The following ZEB2 variants were observed in gnomAD, a reference collection of about 807,000 sequenced individuals.
ZEB2 encodes the protein zinc finger E-box binding homeobox 2.
In ZEB2, 6 loss-of-function variants were observed where a neutral mutation model predicts 99.9. The observed-to-expected ratio is 0.06, with a 90% CI of 0.03 to 0.12. ZEB2 has a LOEUF of 0.12. Ranked by LOEUF, ZEB2 falls within the 10% of genes least tolerant of loss-of-function variation. The pLI is 1.00. For synonymous variants in ZEB2, 517 were observed against 542.5 expected (o/e 0.95, Z 0.65); for missense variants, 969 against 1,502.8 (o/e 0.64, Z 5.87).
Position 144,512,722 on chromosome 2 carries a change from AC to A in ZEB2, c.73+4555del, listed in dbSNP as rs1210498099. 19 of 1,287,178 alleles carry A rather than the reference AC, an allele frequency of 1.5e-5. No individual in the cohort carries two copies. In the East Asian group the frequency reaches 3.9e-4, roughly 26 times the overall value. 79.7% of individuals were successfully genotyped at this position (1,287,178 alleles called of 1,614,324 possible). On this transcript the variant is annotated intron_variant, in intron 2 of 9. Coordinates refer to ENST00000627532, the MANE Select transcript of ZEB2 (RefSeq NM_014795.4). Reference sequence around the variant, plus strand: ...CTGCTACGAAGGAAAGCATGTTTCTACCCCAATTGGCTTAGTTTTTCCAGAC... The same window carrying A: ...CTGCTACGAAGGAAAGCATGTTTCTACCCAATTGGCTTAGTTTTTCCAGAC...
At position 144,486,330 on chromosome 2, in the gene ZEB2, C is replaced by T. The variant is rs140280009; in HGVS notation, c.73+30948G>A. On this transcript the variant is annotated intron_variant, in intron 2 of 9. Coordinates refer to ENST00000627532, the MANE Select transcript of ZEB2 (RefSeq NM_014795.4). ...CGACCTGAAAAAATAGGTAATTCAA[C>T]GAACATGGAGAAAGAAAATGTCAAA... Among the ~76,000 whole-genome samples, 233 of 149,736 alleles carry T rather than the reference C, an allele frequency of 1.6e-3. 2 individuals are homozygous for T. The highest frequency in any genetic ancestry group is 0.013 in the South Asian group (64 of 4,750).
At chr2:144,406,058 C>T (rs1203191451) in intron 4 of ZEB2, among the ~76,000 whole-genome samples, 1 of 152,152 alleles carries the variant, frequency 6.6e-6, no homozygotes, top group Admixed American at 6.5e-5. Context: ...AACCTTGGTG[C>T]CACGAGATTC....
At chr2:144,517,724 C>CT (rs1445863130) in intron 1 of ZEB2, 2 of 702,816 alleles carry the variant, frequency 2.8e-6, no homozygotes, top group Non-Finnish European at 5.2e-6. Flanking sequence ...AGTAAGACCG[C>CT]TTGACTCAGG....
chr2:144,434,498 C>T (rs918543476), intron 2 of ZEB2, among the ~76,000 whole-genome samples: 2 of 152,066 alleles, frequency 1.3e-5, no homozygotes, highest in African/African-American at 2.4e-5. Flanking sequence ...GTAGCAAAGC[C>T]GGTACCAGAA....
At chr2:144,512,242 AG>A in intron 2 of ZEB2, 1 of 1,287,268 alleles carries the variant, frequency 7.8e-7, no homozygotes, top group Non-Finnish European at 1.0e-6. Flanking sequence ...CACGGTGCTG[AG>A]AGGAAAAGGA....
intron 2 of ZEB2, among the ~76,000 whole-genome samples, chr2:144,484,156 A>G (rs1351018930): frequency 7.8e-6 from 1 of 128,662 alleles, no homozygotes; most frequent in Non-Finnish European, 1.7e-5. Flanking sequence ...AGATCATCTG[A>G]GTTCTCCAGG....
chr2:144,472,827 G>A (rs1704376988), intron 2 of ZEB2, among the ~76,000 whole-genome samples: 1 of 125,628 alleles, frequency 8.0e-6, no homozygotes, highest in East Asian at 2.3e-4. Context: ...TACCAGAAGA[G>A]CTTACCTCCA....
intron 4 of ZEB2, among the ~76,000 whole-genome samples, chr2:144,412,068 A>G (rs1470299187): frequency 2.0e-5 from 3 of 152,234 alleles, no homozygotes; most frequent in Admixed American, 6.5e-5. Context: ...TCAGGAGTTC[A>G]AGACCAGCCT....
chr2:144,513,332 G>C (rs1330067103), intron 2 of ZEB2: 1 of 1,302,228 alleles, frequency 7.7e-7, no homozygotes, highest in Admixed American at 2.3e-5. Context: ...CATTCAACTT[G>C]ATCCCTGTTC....
intron 3 of ZEB2, 187 bp from the exon 4 acceptor site, chr2:144,425,054 A>T: frequency 1.6e-6 from 1 of 621,162 alleles, no homozygotes; most frequent in Non-Finnish European, 2.8e-6. Context: ...ACAAGAACTT[A>T]TTTACTTTAA....
At chr2:144,403,850 A>G (rs1703345729) in intron 6 of ZEB2, 66 bp downstream of exon 6, 11 of 1,592,558 alleles carry the variant, frequency 6.9e-6, no homozygotes, top group Non-Finnish European at 9.5e-6. Flanking sequence ...ATGATTGCCA[A>G]TCAAAGCAAT....
chr2:144,409,243 T>G (rs187280388), intron 4 of ZEB2, among the ~76,000 whole-genome samples: 1 of 152,236 alleles, frequency 6.6e-6, no homozygotes, highest in African/African-American at 2.4e-5. Flanking sequence ...GTTACAATAC[T>G]AGGACAAATG....
In ZEB2 at chr2:144,387,862, T is replaced by TA. The variant is rs1269308802; in HGVS notation, c.*1588dup. ...ATTGCTGTACATAGGTATGGAATTT[T>TA]AAAAAACAGTTATTGGTACCAGTCA... On this transcript the variant is annotated 3_prime_UTR_variant, in exon 10 of 10. Coordinates refer to ENST00000627532, the MANE Select transcript of ZEB2 (RefSeq NM_014795.4). 3 of 152,382 alleles carry TA rather than the reference T, an allele frequency of 2.0e-5. No individual in the cohort carries two copies. In the East Asian group the frequency reaches 5.8e-4, roughly 29 times the overall value. The allele number at this position is 152,382 out of a possible 1,614,324, so 9.4% of individuals were successfully genotyped here.
chr2:144,488,090 C>T (rs1704625194), intron 2 of ZEB2, among the ~76,000 whole-genome samples: 1 of 152,154 alleles, frequency 6.6e-6, no homozygotes. Context: ...GTGGCAGTTT[C>T]CAGGTAGTTC....
intron 4 of ZEB2, among the ~76,000 whole-genome samples, chr2:144,411,430 T>C (rs1436248004): frequency 6.6e-6 from 1 of 152,192 alleles, no homozygotes; most frequent in Admixed American, 6.5e-5. Flanking sequence ...TCATGGCTAC[T>C]TTGTTTAAAG....
At chr2:144,456,115 T>C (rs984128848) in intron 2 of ZEB2, among the ~76,000 whole-genome samples, 21 of 147,620 alleles carry the variant, frequency 1.4e-4, no homozygotes, top group African/African-American at 3.9e-4. Flanking sequence ...GTTTGTTCCA[T>C]TGTTTTTTTT....
chr2:144,469,618 C>T (rs1704327742), intron 2 of ZEB2, among the ~76,000 whole-genome samples: 1 of 152,130 alleles, frequency 6.6e-6, no homozygotes, highest in Non-Finnish European at 1.5e-5. Context: ...CATCAGGCTG[C>T]TTTAGTCCTT....
intron 2 of ZEB2, among the ~76,000 whole-genome samples, chr2:144,499,811 T>TACAATTTTGACCCGTGTA: frequency 6.6e-6 from 1 of 152,296 alleles, no homozygotes; most frequent in East Asian, 1.9e-4. Flanking sequence ...AGTTCAGGTG[T>TACAATTTTGACCCGTGTA]ACAATTTTGA....
intron 2 of ZEB2, among the ~76,000 whole-genome samples, chr2:144,485,557 A>G (rs1351179457): frequency 1.3e-5 from 2 of 152,162 alleles, no homozygotes; most frequent in Non-Finnish European, 1.5e-5. Flanking sequence ...TTTATGCCAT[A>G]AACTGTTTCA....
Sources: allele counts gnomAD v4.1 joint callset (sites outside exome capture counted in the v4.1 genomes callset), GRCh38; gene constraint gnomAD v4.1.1; transcripts MANE v1.5; gene names NCBI Gene and HGNC (gene_info 2026-07-23, HGNC 2026-07-21).